Variants in AKT3 observed in about 807,000 individuals in gnomAD.
The protein encoded by AKT3 is AKT serine/threonine kinase 3.
Under a neutral mutation model 65.3 loss-of-function variants are expected in AKT3, and 15 were observed. The ratio of observed to expected loss-of-function variants is 0.23; its 90% CI spans 0.15 to 0.35. AKT3 has a LOEUF of 0.35. AKT3 is among the 10% of genes least tolerant of loss of function. The pLI is 1.00. For missense variants in AKT3, 243 were observed against 576.5 expected (o/e 0.42, Z 5.92); for synonymous variants, 206 against 183.8 (o/e 1.12, Z -0.98).
chr1:243,574,788 T>C (rs1488675048), intron 8 of AKT3, among the ~76,000 whole-genome samples: 1 of 152,138 alleles, frequency 6.6e-6, no homozygotes, highest in Non-Finnish European at 1.5e-5. Context: ...GAAAAGATCG[T>C]GTGATCTCTA....
intron 8 of AKT3, among the ~76,000 whole-genome samples, chr1:243,574,416 T>C (rs946995797): frequency 1.3e-5 from 2 of 152,140 alleles, no homozygotes; most frequent in Admixed American, 6.6e-5. Context: ...TAAACTTTAA[T>C]GCTTCCTACT....
At chr1:243,799,514 A>G (rs1235228591) in intron 2 of AKT3, among the ~76,000 whole-genome samples, 1 of 152,218 alleles carries the variant, frequency 6.6e-6, no homozygotes. Context: ...TAGTCAATGA[A>G]GCAATAAAAT....
chr1:243,629,868 CTTGTA>C (rs1267819672), intron 6 of AKT3, among the ~76,000 whole-genome samples: 1 of 152,174 alleles, frequency 6.6e-6, no homozygotes, highest in East Asian at 1.9e-4. Context: ...ATATATTCCT[CTTGTA>C]CCCTCTGATG....
At chr1:243,492,295 CTTTTTTTTTTT>C (rs33950392) in intron 13 of AKT3, among the ~76,000 whole-genome samples, 2 of 63,124 alleles carry the variant, frequency 3.2e-5, no homozygotes, top group African/African-American at 1.3e-4. Flanking sequence ...CGTTTCTTGG[CTTTTTTTTTTT>C]TTTTTTTTTT....
intron 8 of AKT3, among the ~76,000 whole-genome samples, chr1:243,595,042 G>A (rs1192079187): frequency 6.6e-6 from 1 of 152,168 alleles, no homozygotes; most frequent in African/African-American, 2.4e-5. Context: ...AGAAAATACA[G>A]TCATGCACTG....
intron 2 of AKT3, among the ~76,000 whole-genome samples, chr1:243,808,941 A>G (rs1296140351): frequency 6.6e-6 from 1 of 152,198 alleles, no homozygotes; most frequent in Non-Finnish European, 1.5e-5. Flanking sequence ...AAGCTTCGTA[A>G]GTGAAGGAGA....
At chr1:243,844,528 G>C (rs188416684) in intron 1 of AKT3, among the ~76,000 whole-genome samples, 57 of 152,202 alleles carry the variant, frequency 3.7e-4, no homozygotes, top group Middle Eastern at 3.4e-3. Flanking sequence ...ATCCAGGCTA[G>C]AGTAGAGTGG....
intron 2 of AKT3, among the ~76,000 whole-genome samples, chr1:243,742,077 A>C (rs1018248822): frequency 5.4e-5 from 8 of 147,218 alleles, no homozygotes; most frequent in African/African-American, 2.0e-4. Context: ...AAAAAAAAAA[A>C]CAGTAAAAAA....
chr1:243,556,718 T>C (rs1673430335), intron 10 of AKT3, among the ~76,000 whole-genome samples: 1 of 152,182 alleles, frequency 6.6e-6, no homozygotes, highest in Non-Finnish European at 1.5e-5. Context: ...AACTGATAGA[T>C]GTGTGTTTTA....
At chr1:243,523,260 AACACAC>A (rs547403507) in intron 12 of AKT3, among the ~76,000 whole-genome samples, 2,109 of 126,446 alleles carry the variant, frequency 0.017, 25 homozygotes, top group East Asian at 0.036. Context: ...AAAAAGGACG[AACACAC>A]ACACACACAC....
At chr1:243,842,574 G>A (rs539204679) in intron 2 of AKT3, among the ~76,000 whole-genome samples, 4 of 152,064 alleles carry the variant, frequency 2.6e-5, no homozygotes, top group Admixed American at 6.6e-5. Context: ...ATAAAAATAC[G>A]AAATTAAACA....
intron 2 of AKT3, among the ~76,000 whole-genome samples, chr1:243,828,523 T>G (rs954627583): frequency 2.0e-5 from 3 of 152,196 alleles, no homozygotes. Flanking sequence ...ACTCCTGAGA[T>G]AGCAATACCA....
At chr1:243,612,992 T>C (rs894079223) in intron 8 of AKT3, 6 of 146,668 alleles carry the variant, frequency 4.1e-5, no homozygotes, top group Non-Finnish European at 7.4e-5. Flanking sequence ...TAAGCTTAGA[T>C]TGTGCTGCTG....
intron 2 of AKT3, among the ~76,000 whole-genome samples, chr1:243,759,302 A>G (rs184077836): frequency 9.7e-4 from 147 of 152,120 alleles, no homozygotes; most frequent in Non-Finnish European, 4.6e-4. Flanking sequence ...CCTGAGCAAC[A>G]GAGTAAAACC....
At chr1:243,603,056 A>C (rs1236045824) in intron 8 of AKT3, among the ~76,000 whole-genome samples, 1 of 152,206 alleles carries the variant, frequency 6.6e-6, no homozygotes, top group African/African-American at 2.4e-5. Flanking sequence ...TTCTCCCAGG[A>C]TATTTTTCTG....
rs1170573149 is a variant in AKT3 at position 243,840,064 on chromosome 1, G to A, written c.46+3061C>T. 3.9e-5 allele frequency among the ~76,000 whole-genome samples: 6 copies of A among 152,142 alleles called. 2 individuals are homozygous for A. Among genetic ancestry groups the A allele is most frequent in the Non-Finnish European group, 1.5e-5 (1 of 67,990 alleles). ...TGGCATGGTGGCATCCCAGCTACTC[G>A]GGAGGCTGAGGCAGGGGAATCACTT... On this transcript the variant is annotated intron_variant, in intron 2 of 13. Transcript: ENST00000673466.
At chr1:243,664,909 T>G (rs750437077) in intron 3 of AKT3, 26 bp from the exon 4 acceptor site, 4 of 1,289,864 alleles carry the variant, frequency 3.1e-6, no homozygotes, top group Non-Finnish European at 4.3e-6. Flanking sequence ...AATGTTTCTT[T>G]AAATATGGAT....
chr1:243,744,603 G>A (rs959432156), intron 2 of AKT3, among the ~76,000 whole-genome samples: 5 of 151,080 alleles, frequency 3.3e-5, no homozygotes, highest in Non-Finnish European at 7.4e-5. Flanking sequence ...GCCGGGCGTA[G>A]TGGCGGGCGC....
intron 10 of AKT3, among the ~76,000 whole-genome samples, chr1:243,562,054 A>G (rs914902799): frequency 1.3e-4 from 20 of 152,334 alleles, no homozygotes; most frequent in Non-Finnish European, 2.2e-4. Flanking sequence ...TATTCATAGT[A>G]GCCAAAAAAT....
Sources: allele counts gnomAD v4.1 joint callset (sites outside exome capture counted in the v4.1 genomes callset), GRCh38; gene constraint gnomAD v4.1.1; transcripts MANE v1.5; gene names NCBI Gene and HGNC (gene_info 2026-07-23, HGNC 2026-07-21).